Variants in SIAE observed in about 807,000 individuals in gnomAD.
The protein encoded by SIAE is sialic acid acetylesterase.
In SIAE, 39 loss-of-function variants were observed where a neutral mutation model predicts 52.6. The observed-to-expected ratio is 0.74, with a 90% CI of 0.57 to 0.97. The LOEUF (loss-of-function observed/expected upper bound fraction) is 0.97, where lower values mean the gene tolerates loss of function less well. Ranked by LOEUF, SIAE falls within the 50% of genes least tolerant of loss-of-function variation. The pLI is 0.00. For synonymous variants in SIAE, 233 were observed against 241.4 expected (o/e 0.97, Z 0.32); for missense variants, 592 against 662.1 (o/e 0.89, Z 1.16).
intron 9 of SIAE, among the ~76,000 whole-genome samples, chr11:124,637,848 G>A (rs1283773444): frequency 5.9e-5 from 9 of 152,152 alleles, no homozygotes; most frequent in South Asian, 2.1e-4. Context: ...ACAAACTCCC[G>A]TGTAGTTAAA....
At chr11:124,639,517 C>T (rs1321625231) in intron 8 of SIAE, among the ~76,000 whole-genome samples, 193 bp downstream of exon 8, 1 of 152,104 alleles carries the variant, frequency 6.6e-6, no homozygotes, top group Non-Finnish European at 1.5e-5. Flanking sequence ...GAGAGAGTGA[C>T]CAAGAAATAA....
chr11:124,670,359 CA>C lies in SIAE; in HGVS notation c.68-839del, dbSNP rs1450835797. 1.3e-5 allele frequency among the ~76,000 whole-genome samples: 2 copies of C among 152,178 alleles called. No homozygotes were observed. The highest frequency in any genetic ancestry group is 2.9e-5 in the Non-Finnish European group (2 of 68,030). On this transcript the variant is annotated intron_variant, in intron 1 of 9. Transcript: ENST00000263593. This position sits in a 1 kb window ranked among gnomAD's most constrained non-coding sequence, Gnocchi z 4.5. Reference sequence around the variant, plus strand: ...ACTGAATAAGAACTCGCTTTAACGACATCATTCCTATTTTTAACATCCAGCC... The same window carrying C: ...ACTGAATAAGAACTCGCTTTAACGACTCATTCCTATTTTTAACATCCAGCC...
chr11:124,648,630 T>TA (rs1402050209), intron 5 of SIAE, among the ~76,000 whole-genome samples: 3 of 152,232 alleles, frequency 2.0e-5, no homozygotes, highest in African/African-American at 7.2e-5. Flanking sequence ...ATCCATAAGA[T>TA]AAATTCCCAG....
In SIAE at chr11:124,654,636, C is replaced by G. The variant is rs74844664; in HGVS notation, c.544+19G>C. 9 of 1,613,896 alleles carry G rather than the reference C, an allele frequency of 5.6e-6. No homozygotes were observed. Among genetic ancestry groups the G allele is most frequent in the Admixed American group, 1.7e-5 (1 of 59,996 alleles). ...CTAACCCATTATATAAGAGACAGCACGTTCAAGCCGTCACATACCTGAGGT... is the reference window on the plus strand; with the variant it reads ...CTAACCCATTATATAAGAGACAGCAGGTTCAAGCCGTCACATACCTGAGGT... On this transcript the variant is annotated intron_variant, in intron 4 of 9. Coordinates refer to ENST00000263593, the MANE Select transcript of SIAE (RefSeq NM_170601.5).
At chr11:124,656,716 T>C (rs963716308) in intron 3 of SIAE, among the ~76,000 whole-genome samples, 3 of 152,198 alleles carry the variant, frequency 2.0e-5, no homozygotes, top group Non-Finnish European at 4.4e-5. Flanking sequence ...TTTTTATTTG[T>C]GTATTTCTTC....
intron 7 of SIAE, among the ~76,000 whole-genome samples, chr11:124,642,476 T>C (rs116844893): frequency 0.018 from 2,729 of 152,240 alleles, 37 homozygotes; most frequent in Middle Eastern, 0.075. Flanking sequence ...CTACATATCC[T>C]ATGAGAAAGT....
chr11:124,675,472 A>G (rs1446120295), upstream of SIAE: 12 of 1,581,884 alleles, frequency 7.6e-6, no homozygotes, highest in Non-Finnish European at 9.4e-6. Flanking sequence ...GCATTTGTTT[A>G]TGGTAAAACT....
chr11:124,665,475 C>A (rs893845631), intron 2 of SIAE, among the ~76,000 whole-genome samples: 20 of 152,178 alleles, frequency 1.3e-4, no homozygotes, highest in Non-Finnish European at 1.9e-4. Context: ...AGGTAACTCC[C>A]TACTCGCACC....
chr11:124,667,796 G>A (rs1433070384), intron 2 of SIAE, among the ~76,000 whole-genome samples: 10 of 151,900 alleles, frequency 6.6e-5, no homozygotes, highest in Admixed American at 5.2e-4. Flanking sequence ...CCTCCACACC[G>A]GCTTCTATAT....
chr11:124,663,652 T>C (rs929227949), intron 2 of SIAE, among the ~76,000 whole-genome samples: 2 of 152,218 alleles, frequency 1.3e-5, no homozygotes, highest in South Asian at 2.1e-4. Context: ...CTGTGAAGAC[T>C]GTTTCTTAGA....
In SIAE at chr11:124,636,967, C is replaced by T. The variant is rs1942754188; in HGVS notation, c.1556G>A (p.Ser519Asn). ...CTGAAACAGTCATTTAGCAACATTG[C>T]TCTGATGTCCAGGACCCTGGTCTGT... ...FITDQGPGHQSNVAK is the reference protein window; with the variant it reads ...FITDQGPGHQNNVAK The change falls in exon 10 of 10, where the codon AGC (serine) becomes AAC (asparagine). Residue 519 changes from serine (S) to asparagine (N), a missense_variant. Transcript: ENST00000263593. 2.5e-6 allele frequency: 4 copies of T among 1,614,180 alleles called. No homozygotes were observed. Among genetic ancestry groups the T allele is most frequent in the Non-Finnish European group, 3.4e-6 (4 of 1,180,028 alleles).
chr11:124,671,067 G>A (rs1349200488), intron 1 of SIAE, among the ~76,000 whole-genome samples: 3 of 152,194 alleles, frequency 2.0e-5, no homozygotes, highest in Non-Finnish European at 4.4e-5. Context: ...GCAGTCAGTA[G>A]TCCATAGGCT....
At chr11:124,655,929 G>T (rs868462809) in intron 3 of SIAE, among the ~76,000 whole-genome samples, 6 of 152,034 alleles carry the variant, frequency 3.9e-5, no homozygotes, top group African/African-American at 1.2e-4. Flanking sequence ...AAAATTTTTG[G>T]TGTGCCAACA....
At chr11:124,664,237 CTTT>C (rs199814380) in intron 2 of SIAE, among the ~76,000 whole-genome samples, 1 of 138,908 alleles carries the variant, frequency 7.2e-6, no homozygotes, top group Non-Finnish European at 1.6e-5. Flanking sequence ...TAGCCTATTT[CTTT>C]TTTTTTTTTT....
At chr11:124,663,353 G>A (rs61533425) in intron 2 of SIAE, among the ~76,000 whole-genome samples, 2,883 of 152,218 alleles carry the variant, frequency 0.019, 86 homozygotes, top group African/African-American at 0.063. Flanking sequence ...GAGGCAGGCG[G>A]ATCACAAGGT....
chr11:124,659,912 CAA>C (rs1364360346), intron 3 of SIAE: 5 of 152,128 alleles, frequency 3.3e-5, no homozygotes, highest in African/African-American at 1.2e-4. Context: ...ATAAATTTTT[CAA>C]AAAGAGATGA....
At chr11:124,675,398 G>T, upstream of SIAE, 1 of 1,611,518 alleles carries the variant, frequency 6.2e-7, no homozygotes, top group Non-Finnish European at 8.5e-7. Context: ...TATTTTGAGA[G>T]CCTTCTAGAG....
intron 8 of SIAE, 29 bp from the exon 9 acceptor site, chr11:124,638,766 T>C: frequency 2.5e-6 from 4 of 1,599,574 alleles, no homozygotes; most frequent in Non-Finnish European, 3.4e-6. Flanking sequence ...GTAGAGAACT[T>C]TGGGTTTAAG....
In SIAE at chr11:124,636,951, TCATTTAGC is replaced by T; in HGVS notation, c.1564_1571del (p.Ala522ThrfsTer5). 1 of 1,614,110 alleles carries T rather than the reference TCATTTAGC, an allele frequency of 6.2e-7. No individual in the cohort carries two copies. The highest frequency in any genetic ancestry group is 8.5e-7 in the Non-Finnish European group (1 of 1,180,038). On this transcript the variant is annotated frameshift_variant and stop_lost, in exon 10 of 10. Transcript: ENST00000263593. LOFTEE classifies it high-confidence loss of function. The stretch of plus-strand genomic sequence containing the variant: ...CTAAGTTCTGATCATACTGAAACAG[TCATTTAGC>T]AACATTGCTCTGATGTCCAGGACCC...
Sources: allele counts gnomAD v4.1 joint callset (sites outside exome capture counted in the v4.1 genomes callset), GRCh38; gene constraint gnomAD v4.1.1; non-coding constraint Gnocchi (gnomAD v3.1); transcripts MANE v1.5; gene names NCBI Gene and HGNC (gene_info 2026-07-23, HGNC 2026-07-21).